UVRAG: variants seen among roughly 807,000 people sequenced by gnomAD.
The protein encoded by UVRAG is UV radiation resistance associated, also known as UV radiation resistance-associated gene protein.
In UVRAG, 19 loss-of-function variants were observed where a neutral mutation model predicts 78.0. That is an observed-to-expected ratio of 0.24 (90% CI 0.17 to 0.36). The LOEUF is 0.36. Ranked by LOEUF, UVRAG falls within the 10% of genes least tolerant of loss-of-function variation. The probability of loss-of-function intolerance (pLI) is 1.00; values close to 1 mark genes in which losing one functional copy is unlikely to be tolerated. For missense variants in UVRAG, 740 were observed against 853.8 expected (o/e 0.87, Z 1.66); for synonymous variants, 323 against 324.6 (o/e 1.00, Z 0.05).
intron 3 of UVRAG, among the ~76,000 whole-genome samples, chr11:75,876,285 A>C (rs927118912): frequency 6.6e-6 from 1 of 152,176 alleles, no homozygotes; most frequent in Non-Finnish European, 1.5e-5. Flanking sequence ...CCCTTGGGCC[A>C]TATAGTCTTT....
At chr11:75,904,624 A>G (rs1226943498) in intron 5 of UVRAG, among the ~76,000 whole-genome samples, 1 of 152,214 alleles carries the variant, frequency 6.6e-6, no homozygotes, top group African/African-American at 2.4e-5. Context: ...CATCAAGTAT[A>G]GCCTGGTTCT....
intron 13 of UVRAG, among the ~76,000 whole-genome samples, chr11:76,100,852 A>G (rs1010714707): frequency 3.3e-5 from 5 of 152,132 alleles, no homozygotes; most frequent in Admixed American, 3.3e-4. Flanking sequence ...AAGTGAGAAC[A>G]TGTGGTATTT....
intron 12 of UVRAG, among the ~76,000 whole-genome samples, chr11:76,062,963 C>T (rs760184535): frequency 6.6e-6 from 1 of 152,202 alleles, no homozygotes; most frequent in Non-Finnish European, 1.5e-5. Flanking sequence ...ATCACTATCA[C>T]GTTCCCCAGC....
At chr11:75,889,790 G>A (rs1405434099) in intron 5 of UVRAG, among the ~76,000 whole-genome samples, 1 of 152,200 alleles carries the variant, frequency 6.6e-6, no homozygotes, top group Non-Finnish European at 1.5e-5. Flanking sequence ...GAGTATATAT[G>A]CAAGAGGCAA....
intron 14 of UVRAG, among the ~76,000 whole-genome samples, chr11:76,130,127 TC>T (rs1952486449): frequency 6.6e-6 from 1 of 152,198 alleles, no homozygotes; most frequent in Non-Finnish European, 1.5e-5. Flanking sequence ...CAAATGCTGT[TC>T]CTGCTACCTG....
In UVRAG at chr11:76,021,469, T is replaced by C. The variant is rs984468079; in HGVS notation, c.1226+4489T>C. Among the ~76,000 whole-genome samples the C allele has an allele frequency of 3.3e-5, 5 of 152,174 alleles. No homozygotes were observed. In the East Asian group the frequency reaches 9.6e-4, roughly 29 times the overall value. On this transcript the variant is annotated intron_variant, in intron 12 of 14. Coordinates refer to ENST00000356136, the MANE Select transcript of UVRAG (RefSeq NM_003369.4). ...AATTTCTTTTCAAAGAAAAGACTTG[T>C]GGTTTTGTTGATTCTCTCTAGTGTT...
chr11:75,885,601 T>C lies in UVRAG; in HGVS notation c.433-3228T>C, dbSNP rs1170821555. Among the ~76,000 whole-genome samples, 38 of 152,158 alleles carry C rather than the reference T, an allele frequency of 2.5e-4. 1 individual carries two copies. The highest frequency in any genetic ancestry group is 2.5e-3 in the Admixed American group (38 of 15,282). The stretch of plus-strand genomic sequence containing the variant: ...CTAGCAGCTGTCTTAAAAAGTATGC[T>C]GTTTTTCGTAAAGATATCAAAATAC... On this transcript the variant is annotated intron_variant, in intron 4 of 14. Coordinates refer to ENST00000356136, the MANE Select transcript of UVRAG (RefSeq NM_003369.4).
intron 12 of UVRAG, among the ~76,000 whole-genome samples, chr11:76,060,655 G>C (rs1490649414): frequency 1.3e-5 from 2 of 152,200 alleles, no homozygotes. Flanking sequence ...CCCCGCACTC[G>C]GAGTGGCCGG....
intron 12 of UVRAG, among the ~76,000 whole-genome samples, chr11:76,034,310 G>A (rs1462094919): frequency 6.6e-6 from 1 of 152,006 alleles, no homozygotes; most frequent in Admixed American, 6.6e-5. Context: ...TCCCACCTCA[G>A]CCTCCCGAAT....
In UVRAG at chr11:76,142,122, GC is replaced by G. The variant is rs1952734120; in HGVS notation, c.*712del. On this transcript the variant is annotated 3_prime_UTR_variant, in exon 15 of 15. Transcript: ENST00000356136. ...CCTCCTCTGCCATACCCTTAATGCGGCCCTCAGATTAGATGAAAAACTTGCT... is the reference window on the plus strand; with the variant it reads ...CCTCCTCTGCCATACCCTTAATGCGGCCTCAGATTAGATGAAAAACTTGCT... 6.6e-6 allele frequency: 1 copy of G among 152,152 alleles called. No homozygotes were observed. The highest frequency in any genetic ancestry group is 1.5e-5 in the Non-Finnish European group (1 of 68,054). The allele number at this position is 152,152 out of a possible 1,614,324, so 9.4% of individuals were successfully genotyped here.
At chr11:76,001,896 TTAC>T (rs1224493673) in intron 8 of UVRAG, among the ~76,000 whole-genome samples, 7 of 152,196 alleles carry the variant, frequency 4.6e-5, no homozygotes, top group Non-Finnish European at 1.0e-4. Context: ...TATGGAGGAA[TTAC>T]TGAAGTTGGA....
intron 6 of UVRAG, chr11:75,935,182 G>T (rs1948342797): frequency 6.6e-6 from 1 of 152,196 alleles, no homozygotes; most frequent in South Asian, 2.1e-4. Context: ...GAAGTAAGTA[G>T]TCATTGAGGA....
intron 1 of UVRAG, among the ~76,000 whole-genome samples, chr11:75,848,035 A>G (rs1415937421): frequency 6.6e-6 from 1 of 151,442 alleles, no homozygotes; most frequent in East Asian, 1.9e-4. Flanking sequence ...GTCTCTAAAA[A>G]AAAAAAAAAA....
chr11:76,126,743 C>G (rs1273280425), intron 14 of UVRAG, among the ~76,000 whole-genome samples: 1 of 152,164 alleles, frequency 6.6e-6, no homozygotes, highest in Non-Finnish European at 1.5e-5. Context: ...AGTATATTCA[C>G]TGAATATCTG....
At chr11:76,127,907 A>G (rs1439200110) in intron 14 of UVRAG, among the ~76,000 whole-genome samples, 1 of 152,148 alleles carries the variant, frequency 6.6e-6, no homozygotes, top group African/African-American at 2.4e-5. Context: ...CAGTGAGCCA[A>G]GATTGCACCA....
In UVRAG at chr11:76,093,922, T is replaced by C. The variant is rs1258715055; in HGVS notation, c.1306-22002T>C. Among the ~76,000 whole-genome samples, 6 of 152,348 alleles carry C rather than the reference T, an allele frequency of 3.9e-5. No individual in the cohort carries two copies. The East Asian group carries it at 1.2e-3, about 29-fold the overall frequency. On this transcript the variant is annotated intron_variant, in intron 13 of 14. Coordinates refer to ENST00000356136, the MANE Select transcript of UVRAG (RefSeq NM_003369.4). Reference sequence around the variant, plus strand: ...TGAATAGGAGTGGTGAGAGAGGGCATCCCTGTCTTGTGCCAGTTTTCAAAG... The same window carrying C: ...TGAATAGGAGTGGTGAGAGAGGGCACCCCTGTCTTGTGCCAGTTTTCAAAG...
At chr11:75,924,905 A>G (rs900434889) in intron 6 of UVRAG, among the ~76,000 whole-genome samples, 9 of 152,222 alleles carry the variant, frequency 5.9e-5, no homozygotes, top group Non-Finnish European at 4.4e-5. Context: ...CTTTTGGCTT[A>G]GAGCAAAAGT....
intron 1 of UVRAG, among the ~76,000 whole-genome samples, chr11:75,820,572 C>G (rs919579852): frequency 6.6e-6 from 1 of 152,140 alleles, no homozygotes; most frequent in Non-Finnish European, 1.5e-5. Flanking sequence ...CCAGGCTGGT[C>G]TTGAACTCCT....
intron 4 of UVRAG, among the ~76,000 whole-genome samples, chr11:75,886,971 GT>G (rs1192697394): frequency 4.1e-4 from 55 of 133,754 alleles, no homozygotes; most frequent in African/African-American, 7.3e-4. Flanking sequence ...CCTTAATTTT[GT>G]TTTTTTTTTT....
Sources: allele counts gnomAD v4.1 joint callset (sites outside exome capture counted in the v4.1 genomes callset), GRCh38; gene constraint gnomAD v4.1.1; transcripts MANE v1.5; gene names NCBI Gene and HGNC (gene_info 2026-07-23, HGNC 2026-07-21).